The following HAUS6 variants were observed in gnomAD, a reference collection of about 807,000 sequenced individuals.
The protein encoded by HAUS6 is HAUS augmin-like complex subunit 6.
A neutral mutation model predicts 106.8 loss-of-function variants in HAUS6; 80 were observed. That is an observed-to-expected ratio of 0.75 (90% CI 0.63 to 0.90). The LOEUF (loss-of-function observed/expected upper bound fraction) is 0.90, where lower values mean the gene tolerates loss of function less well. Ranked by LOEUF, HAUS6 falls within the 40% of genes least tolerant of loss-of-function variation. HAUS6 has a pLI of 0.00. For synonymous variants in HAUS6, 356 were observed against 379.1 expected (o/e 0.94, Z 0.71); for missense variants, 1,155 against 1,118.1 (o/e 1.03, Z -0.47).
At chr9:19,099,646 G>C (rs1408975674) in intron 1 of HAUS6, among the ~76,000 whole-genome samples, 2 of 152,186 alleles carry the variant, frequency 1.3e-5, no homozygotes, top group African/African-American at 2.4e-5. Context: ...GCATTTTTAA[G>C]AGACAGGGTC....
At chr9:19,077,920 G>C (rs930647014) in intron 10 of HAUS6, among the ~76,000 whole-genome samples, 1 of 152,020 alleles carries the variant, frequency 6.6e-6, no homozygotes, top group African/African-American at 2.4e-5. Context: ...AATTAGCCAG[G>C]CTTGGTGGTG....
At chr9:19,080,373 C>T (rs1837114053) in intron 9 of HAUS6, 106 bp downstream of exon 9, 1 of 699,848 alleles carries the variant, frequency 1.4e-6, no homozygotes, top group Non-Finnish European at 2.5e-6. Context: ...TATTAGAATT[C>T]TCATACTTGT....
At position 19,102,482 on chromosome 9, in the gene HAUS6, C is replaced by G. The variant is rs770275906; in HGVS notation, c.128+42G>C. 1.9e-6 allele frequency: 3 copies of G among 1,601,448 alleles called. No individual in the cohort carries two copies. In the South Asian group the frequency reaches 3.3e-5, roughly 18 times the overall value. Reference sequence around the variant, plus strand: ...AAAAGGGGGAGTCCCCCGGCGTCCCCCGGTTCAGGCTCCCTCGCCCCGCCG... The same window carrying G: ...AAAAGGGGGAGTCCCCCGGCGTCCCGCGGTTCAGGCTCCCTCGCCCCGCCG... On this transcript the variant is annotated intron_variant, in intron 1 of 16. Transcript: ENST00000380502.
intron 1 of HAUS6, among the ~76,000 whole-genome samples, chr9:19,099,032 A>G (rs1817926424): frequency 6.6e-6 from 1 of 151,196 alleles, no homozygotes; most frequent in Admixed American, 6.6e-5. Context: ...AAAAAAAAAA[A>G]AAGAAAAAAA....
Position 19,061,164 on chromosome 9 carries a change from C to A in HAUS6, c.1630-941G>T, listed in dbSNP as rs575225540. Among the ~76,000 whole-genome samples, 334 of 151,956 alleles carry A rather than the reference C, an allele frequency of 2.2e-3. 1 individual carries two copies. The highest frequency in any genetic ancestry group is 7.5e-3 in the African/African-American group (313 of 41,486). ...GGGCAACAAGTGCAAAACTCCGTCTCAAAAAAATAACATAAATAAAATTTA... is the reference window on the plus strand; with the variant it reads ...GGGCAACAAGTGCAAAACTCCGTCTAAAAAAAATAACATAAATAAAATTTA... On this transcript the variant is annotated intron_variant, in intron 14 of 16. Transcript: ENST00000380502.
intron 1 of HAUS6, among the ~76,000 whole-genome samples, chr9:19,097,064 T>C (rs1817879910): frequency 6.6e-6 from 1 of 152,196 alleles, no homozygotes; most frequent in Admixed American, 6.6e-5. Flanking sequence ...TGCCTTATAA[T>C]GGTAACAACC....
intron 12 of HAUS6, chr9:19,063,846 A>G: frequency 1.6e-6 from 1 of 631,830 alleles, no homozygotes; most frequent in South Asian, 1.4e-5. Flanking sequence ...GAAAGAGTTA[A>G]GTGACTTAAT....
In HAUS6 at chr9:19,066,128, G is replaced by A. The variant is rs113001706; in HGVS notation, c.1377-2548C>T. On this transcript the variant is annotated intron_variant, in intron 12 of 16. Coordinates refer to ENST00000380502, the MANE Select transcript of HAUS6 (RefSeq NM_017645.5). The stretch of plus-strand genomic sequence containing the variant: ...TTTTTGTAGTTTTAATAGGGACAGG[G>A]TTTCACCATGTTGGCCAGGCTGTTC... 6.4e-3 allele frequency among the ~76,000 whole-genome samples: 969 copies of A among 151,852 alleles called. 10 individuals carry two copies. The highest frequency in any genetic ancestry group is 0.017 in the Middle Eastern group (5 of 290).
At chr9:19,093,365 T>A in intron 3 of HAUS6, 62 bp from the exon 4 acceptor site, 1 of 1,384,560 alleles carries the variant, frequency 7.2e-7, no homozygotes, top group Non-Finnish European at 1.0e-6. Context: ...TACATTTACA[T>A]CACACTATTT....
At position 19,087,082 on chromosome 9, in the gene HAUS6, G is replaced by C. The variant is rs1837314311; in HGVS notation, c.650+9C>G. 7.3e-7 allele frequency: 1 copy of C among 1,366,476 alleles called. No individual in the cohort carries two copies. The allele number at this position is 1,366,476 out of a possible 1,614,324, so 84.6% of individuals were successfully genotyped here. ...TCTAAGGCAACTTCTAGCTCTAAAA[G>C]TCACTTACTTCTTTATTTGGTTTTC... On this transcript the variant is annotated intron_variant, in intron 6 of 16. Transcript: ENST00000380502.
At chr9:19,089,723 C>T in intron 4 of HAUS6, 164 bp from the exon 5 acceptor site, 1 of 512,846 alleles carries the variant, frequency 1.9e-6, no homozygotes, top group Non-Finnish European at 3.4e-6. Flanking sequence ...CTAATAAATA[C>T]CAAAAATGTT....
rs1837198961 is a variant in HAUS6 at position 19,083,055 on chromosome 9, G to A, written c.700-12C>T. 1 of 1,549,896 alleles carries A rather than the reference G, an allele frequency of 6.5e-7. No individual in the cohort carries two copies. Among genetic ancestry groups the A allele is most frequent in the African/African-American group, 1.4e-5 (1 of 71,948 alleles). On this transcript the variant is annotated splice_polypyrimidine_tract_variant and intron_variant, in intron 7 of 16. Transcript: ENST00000380502. ...CACAAAGACCGAACCTTTGGAAACA[G>A]AAACAAAATATTAAAGTCCACACAT...
At chr9:19,090,290 T>C (rs757113662) in intron 4 of HAUS6, among the ~76,000 whole-genome samples, 13 of 152,192 alleles carry the variant, frequency 8.5e-5, no homozygotes, top group Non-Finnish European at 1.8e-4. Context: ...AGAAATACAT[T>C]TATATCCGTA....
At chr9:19,099,790 C>T (rs897092642) in intron 1 of HAUS6, among the ~76,000 whole-genome samples, 1 of 152,192 alleles carries the variant, frequency 6.6e-6, no homozygotes, top group Non-Finnish European at 1.5e-5. Flanking sequence ...TGGCTCATGT[C>T]TGTAATCCCA....
chr9:19,093,053 G>A lies in HAUS6; in HGVS notation c.436+118C>T, dbSNP rs188749001. On this transcript the variant is annotated intron_variant, in intron 4 of 16. Transcript: ENST00000380502. ...GAATATTAACCATTTCCTTTTTGGG[G>A]TACATTAATGTTTTAACTTACCTTG... is the stretch of plus-strand genomic sequence containing the variant. The A allele has an allele frequency of 3.8e-5, 27 of 707,090 alleles. No individual in the cohort carries two copies. The Admixed American group carries it at 8.0e-4, about 21-fold the overall frequency. 43.8% of individuals were successfully genotyped at this position (707,090 alleles called of 1,614,324 possible). A position where few individuals can be genotyped will look rare whatever the true frequency, so the allele number is the denominator to read the frequency against.
chr9:19,073,863 T>C (rs544562868), intron 11 of HAUS6: 1 of 152,066 alleles, frequency 6.6e-6, no homozygotes, highest in African/African-American at 2.4e-5. Context: ...CAGCTGCACA[T>C]ATATTAAAAT....
Position 19,058,220 on chromosome 9 carries a change from T to C in HAUS6, c.2547A>G (p.Glu849=), listed in dbSNP as rs1039936930. Residue 849 remains glutamate, a synonymous_variant, in exon 16 of 17, where the codon GAA becomes GAG. Transcript: ENST00000380502. The part of the protein sequence containing the change: ...ALKKSLSKKR[E]ESYLSNSQTP... ...TTTGGGAATTCGAGAGGTAAGATTCTTCCCTTTTCTTGGAAAGAGATTTCT... is the reference window on the plus strand; with the variant it reads ...TTTGGGAATTCGAGAGGTAAGATTCCTCCCTTTTCTTGGAAAGAGATTTCT... 30 of 1,613,840 alleles carry C rather than the reference T, an allele frequency of 1.9e-5. No individual in the cohort carries two copies. Among genetic ancestry groups the C allele is most frequent in the Non-Finnish European group, 2.5e-5 (30 of 1,179,860 alleles).
At chr9:19,071,753 T>C (rs2131117293) in intron 11 of HAUS6, among the ~76,000 whole-genome samples, 1 of 152,114 alleles carries the variant, frequency 6.6e-6, no homozygotes, top group Middle Eastern at 3.4e-3. Context: ...TTTTGTGTTT[T>C]TTTATAGAGA....
At chr9:19,076,733 G>C in intron 10 of HAUS6, 29 bp from the exon 11 acceptor site, 2 of 1,003,952 alleles carry the variant, frequency 2.0e-6, no homozygotes. Flanking sequence ...CAATTTTGAA[G>C]TAAACATATT....
Sources: allele counts gnomAD v4.1 joint callset (sites outside exome capture counted in the v4.1 genomes callset), GRCh38; gene constraint gnomAD v4.1.1; transcripts MANE v1.5; gene names NCBI Gene and HGNC (gene_info 2026-07-23, HGNC 2026-07-21).